CDH20: variants seen among roughly 807,000 people sequenced by gnomAD.
CDH20 encodes the protein cadherin 20.
A neutral mutation model predicts 74.2 loss-of-function variants in CDH20; 29 were observed. The ratio of observed to expected loss-of-function variants is 0.39; its 90% CI spans 0.29 to 0.53. The LOEUF is 0.53. Among genes scored for constraint, CDH20 ranks in the 20% least tolerant of loss-of-function variants. The pLI, the probability that CDH20 is intolerant of heterozygous loss-of-function variation, is 0.69. For synonymous variants in CDH20, 469 were observed against 405.4 expected, an observed-to-expected ratio of 1.16 and a Z score of -1.88; for missense variants, 988 against 1,048.3, an observed-to-expected ratio of 0.94 and a Z score of 0.79.
intron 9 of CDH20, among the ~76,000 whole-genome samples, chr18:61,543,759 T>C (rs780229703): frequency 5.3e-5 from 8 of 152,226 alleles, no homozygotes; most frequent in Non-Finnish European, 1.0e-4. Flanking sequence ...GTCTGTTTTC[T>C]GTTAACCTGA....
chr18:61,502,653 A>C (rs1012597240), intron 4 of CDH20, among the ~76,000 whole-genome samples: 1 of 152,142 alleles, frequency 6.6e-6, no homozygotes, highest in Non-Finnish European at 1.5e-5. Context: ...GCCTTGGACC[A>C]CAATTTCCCA....
chr18:61,511,281 T>G (rs913215268), intron 6 of CDH20, among the ~76,000 whole-genome samples: 1 of 151,832 alleles, frequency 6.6e-6, no homozygotes, highest in African/African-American at 2.4e-5. Flanking sequence ...GAAGGATTGC[T>G]TGAGCCCAAG....
In CDH20 at chr18:61,447,518, C is replaced by T. The variant is rs74463767; in HGVS notation, c.-152-42884C>T. On this transcript the variant is annotated intron_variant, in intron 1 of 11. Coordinates refer to ENST00000262717, the MANE Select transcript of CDH20 (RefSeq NM_031891.4). ...ACGAGCAGCCAGGCAGTTGGGAGGA[C>T]AATCTGGATTGTGTGGTTTCCTAGA... Among the ~76,000 whole-genome samples the T allele has an allele frequency of 4.0e-3, 608 of 152,214 alleles. 3 individuals carry two copies. Among genetic ancestry groups the T allele is most frequent in the Middle Eastern group, 0.01 (3 of 294 alleles).
rs1160113503 is a variant in CDH20, at chr18:61,499,309, C to T, written c.370C>T (p.Arg124Ter). The change falls in exon 3 of 12, where the codon CGA (arginine) becomes TGA (stop). Residue 124 changes from arginine (R) to a stop codon, truncating the protein, a stop_gained. Transcript: ENST00000262717. LOFTEE classifies it high-confidence loss of function. ...GDIHAIQRLD[R>*]EERAQYTLRA... ...CATCCACGCCATTCAGAGGCTCGAC[C>T]GAGAGGAAAGAGCCCAGTATACTCT... 4 of 1,613,884 alleles carry T rather than the reference C, an allele frequency of 2.5e-6. No homozygotes were observed. The highest frequency in any genetic ancestry group is 1.1e-5 in the South Asian group (1 of 91,034).
At chr18:61,377,326 A>G (rs1911270615) in intron 1 of CDH20, among the ~76,000 whole-genome samples, 1 of 152,138 alleles carries the variant, frequency 6.6e-6, no homozygotes, top group Non-Finnish European at 1.5e-5. Context: ...ACCCCCAGAT[A>G]AACCCTATTA....
At chr18:61,390,767 G>C (rs924380118) in intron 1 of CDH20, among the ~76,000 whole-genome samples, 2 of 151,276 alleles carry the variant, frequency 1.3e-5, no homozygotes, top group Non-Finnish European at 3.0e-5. Context: ...GGTTAGGGAA[G>C]GAAATAGTGG....
intron 1 of CDH20, among the ~76,000 whole-genome samples, chr18:61,373,655 T>G (rs1911116810): frequency 1.3e-5 from 2 of 152,056 alleles, no homozygotes; most frequent in South Asian, 4.1e-4. Context: ...ACACAAAACA[T>G]AACTAACAAC....
At chr18:61,368,638 AT>A (rs1179187628) in intron 1 of CDH20, among the ~76,000 whole-genome samples, 1 of 152,114 alleles carries the variant, frequency 6.6e-6, no homozygotes, top group Non-Finnish European at 1.5e-5. Flanking sequence ...AAAAAACTGT[AT>A]GGTGCTAACA....
At chr18:61,433,208 T>A (rs1365343168) in intron 1 of CDH20, among the ~76,000 whole-genome samples, 1 of 152,184 alleles carries the variant, frequency 6.6e-6, no homozygotes, top group Non-Finnish European at 1.5e-5. Context: ...TGTATATATA[T>A]CACCAATCAC....
chr18:61,411,557 T>C (rs1041020279), intron 1 of CDH20, among the ~76,000 whole-genome samples: 8 of 146,464 alleles, frequency 5.5e-5, no homozygotes, highest in Admixed American at 1.4e-4. Context: ...GATATGTATG[T>C]GTATATATGT....
intron 6 of CDH20, among the ~76,000 whole-genome samples, chr18:61,524,569 G>A (rs561416625): frequency 4.6e-5 from 7 of 152,294 alleles, no homozygotes; most frequent in South Asian, 2.1e-4. Flanking sequence ...GTGAAGAATG[G>A]ATAAATCAAC....
chr18:61,401,388 T>C (rs1273519708), intron 1 of CDH20, among the ~76,000 whole-genome samples: 1 of 152,210 alleles, frequency 6.6e-6, no homozygotes, highest in East Asian at 1.9e-4. Context: ...TATACATTAG[T>C]GACCCGTTTT....
At chr18:61,525,098 G>A (rs1912344339) in intron 6 of CDH20, among the ~76,000 whole-genome samples, 1 of 151,990 alleles carries the variant, frequency 6.6e-6, no homozygotes, top group African/African-American at 2.4e-5. Flanking sequence ...TGGGTGGGAG[G>A]GGAGAGGTTG....
intron 1 of CDH20, among the ~76,000 whole-genome samples, chr18:61,472,243 G>A (rs1910207360): frequency 6.6e-6 from 1 of 151,860 alleles, no homozygotes; most frequent in African/African-American, 2.4e-5. Context: ...CCCTTCCTAA[G>A]TCGCTTTAGG....
chr18:61,465,657 A>G (rs1909934845), intron 1 of CDH20, among the ~76,000 whole-genome samples: 2 of 152,214 alleles, frequency 1.3e-5, no homozygotes, highest in East Asian at 3.9e-4. Flanking sequence ...GTGAATTGTA[A>G]TGGTCCATTT....
chr18:61,551,698 T>C (rs541443819), intron 11 of CDH20, among the ~76,000 whole-genome samples: 5 of 152,308 alleles, frequency 3.3e-5, no homozygotes, highest in Admixed American at 1.3e-4. Flanking sequence ...TGAGTTTCCA[T>C]AAGGTGGCAT....
At chr18:61,401,525 G>T (rs1912153784) in intron 1 of CDH20, among the ~76,000 whole-genome samples, 1 of 152,070 alleles carries the variant, frequency 6.6e-6, no homozygotes, top group Non-Finnish European at 1.5e-5. Context: ...ACAACCAAGG[G>T]TTAAATGTAA....
chr18:61,429,549 T>G (rs949601001), intron 1 of CDH20, among the ~76,000 whole-genome samples: 1 of 152,192 alleles, frequency 6.6e-6, no homozygotes, highest in Admixed American at 6.5e-5. Context: ...AATCGTGTTT[T>G]TCTACTGTAG....
chr18:61,510,490 A>G (rs1274111401), intron 6 of CDH20, among the ~76,000 whole-genome samples: 1 of 152,256 alleles, frequency 6.6e-6, no homozygotes, highest in African/African-American at 2.4e-5. Flanking sequence ...AATGTAACTC[A>G]AGTTAATGGG....
Sources: allele counts gnomAD v4.1 joint callset (sites outside exome capture counted in the v4.1 genomes callset), GRCh38; gene constraint gnomAD v4.1.1; transcripts MANE v1.5; gene names NCBI Gene and HGNC (gene_info 2026-07-23, HGNC 2026-07-21).